Variants in FRMPD3 observed in about 807,000 individuals in gnomAD.
FRMPD3 encodes the protein FERM and PDZ domain containing 3, also known as FERM and PDZ domain-containing protein 3.
Under a neutral mutation model 97.9 loss-of-function variants are expected in FRMPD3, and 42 were observed. That is an observed-to-expected ratio of 0.43 (90% CI 0.34 to 0.55). The LOEUF (loss-of-function observed/expected upper bound fraction) is 0.55. Ranked by LOEUF, FRMPD3 falls within the 20% of genes least tolerant of loss-of-function variation. The pLI, the probability that FRMPD3 is intolerant of heterozygous loss-of-function variation, is 0.03. For synonymous variants in FRMPD3, 577 were observed against 581.1 expected (o/e 0.99, Z 0.10); for missense variants, 1,303 against 1,457.7 (o/e 0.89, Z 1.73).
At position 107,571,965 on chromosome X, in the gene FRMPD3, A is replaced by G. The variant is rs183571269; in HGVS notation, c.1297-4350A>G. On this transcript the variant is annotated intron_variant, in intron 12 of 14. Coordinates refer to ENST00000683843, the MANE Select transcript of FRMPD3 (RefSeq NM_001388459.1). ...TTACCCACCCACGTACCACTCCAGG[A>G]CATTCTACGTTTGGGTAGCTCTCTA... Among the ~76,000 whole-genome samples, 1,023 of 112,751 alleles carry G rather than the reference A, an allele frequency of 9.1e-3. 2 individuals carry two copies. The highest frequency in any genetic ancestry group is 0.016 in the Non-Finnish European group (838 of 53,363).
At chrX:107,576,665 A>T (rs1350506437) in intron 13 of FRMPD3, among the ~76,000 whole-genome samples, 1 of 112,399 alleles carries the variant, frequency 8.9e-6, no homozygotes, top group Non-Finnish European at 1.9e-5. Flanking sequence ...TTCACAAAGG[A>T]TACCTGTGAC....
Position 107,553,813 on chromosome X carries a change from C to G in FRMPD3, c.643-572C>G, listed in dbSNP as rs149805025. On this transcript the variant is annotated intron_variant, in intron 7 of 14. Transcript: ENST00000683843. ...AAGCAACCCTTTGAATTCAGTTGGT[C>G]TGTTGTTCCAAATGGGATTTTAAAC... Among the ~76,000 whole-genome samples the G allele has an allele frequency of 7.2e-3, 802 of 111,724 alleles. 8 individuals are homozygous for G. Among genetic ancestry groups the G allele is most frequent in the African/African-American group, 0.025 (760 of 30,773 alleles).
At chrX:107,576,121 TG>T (rs1472083055) in intron 12 of FRMPD3, among the ~76,000 whole-genome samples, 193 bp from the exon 13 acceptor site, 1 of 112,455 alleles carries the variant, frequency 8.9e-6, no homozygotes, top group Non-Finnish European at 1.9e-5. Context: ...TTTTGATACC[TG>T]GGTAAGAGGT....
rs775214016 is a variant in FRMPD3, at chrX:107,563,080, T to G, written c.1027-31T>G. 7.5e-5 allele frequency: 86 copies of G among 1,140,920 alleles called. No individual in the cohort carries two copies. The South Asian group carries it at 1.5e-3, about 20-fold the overall frequency. 94.0% of individuals were successfully genotyped at this position (1,140,920 alleles called of 1,213,427 possible). On this transcript the variant is annotated intron_variant, in intron 10 of 14. Transcript: ENST00000683843. ...TTTGCTTTTCCTGTGCCCCTCAGGC[T>G]TCTCATATTTCTGGATGGGTTTTTC...
At chrX:107,582,112 A>G (rs1016798585) in intron 13 of FRMPD3, among the ~76,000 whole-genome samples, 4 of 110,799 alleles carry the variant, frequency 3.6e-5, no homozygotes, top group Admixed American at 2.9e-4. Context: ...AGACTGTACC[A>G]TTTTTCACTT....
At chrX:107,592,842 T>C (rs1346318847) in intron 13 of FRMPD3, among the ~76,000 whole-genome samples, 1 of 100,623 alleles carries the variant, frequency 9.9e-6, no homozygotes, top group Admixed American at 1.1e-4. Flanking sequence ...TCACCCAGGA[T>C]GGAGTGCAGT....
intron 1 of FRMPD3, among the ~76,000 whole-genome samples, chrX:107,457,433 G>T (rs1418868661): frequency 8.9e-6 from 1 of 111,736 alleles, no homozygotes; most frequent in African/African-American, 3.3e-5. Flanking sequence ...TATCTCCCTT[G>T]CAGATGAGCC....
At chrX:107,561,263 C>T (rs1922351927) in intron 10 of FRMPD3, among the ~76,000 whole-genome samples, 1 of 111,455 alleles carries the variant, frequency 9.0e-6, no homozygotes, top group Admixed American at 9.5e-5. Flanking sequence ...CTTTGGGAGG[C>T]CAAAGCAGGA....
At chrX:107,536,692 G>A (rs937570137) in intron 4 of FRMPD3, among the ~76,000 whole-genome samples, 8 of 112,214 alleles carry the variant, frequency 7.1e-5, no homozygotes, top group Admixed American at 6.6e-4. Context: ...CCAAGAGTAC[G>A]ATTGCTGGAT....
chrX:107,593,805 T>C (rs1243463255), intron 13 of FRMPD3, among the ~76,000 whole-genome samples: 1 of 112,213 alleles, frequency 8.9e-6, no homozygotes, highest in East Asian at 2.8e-4. Context: ...TGAAATCTGA[T>C]AATGTGATGC....
Position 107,597,976 on chromosome X carries a change from G to A in FRMPD3, c.2097G>A (p.Gly699=). ...AGGAACAAGGACGCCACCTGCGTGG[G>A]CTTCTGTACGATGAGATTCCAGTGA... ...QSQEQGRHLR[G]LLYDEIPVTL... The change falls in exon 14 of 15, where the codon GGG becomes GGA. Residue 699 remains glycine, a synonymous_variant. Transcript: ENST00000683843. 8.3e-7 allele frequency: 1 copy of A among 1,210,677 alleles called. No individual in the cohort carries two copies. The highest frequency in any genetic ancestry group is 1.1e-6 in the Non-Finnish European group (1 of 895,389).
intron 1 of FRMPD3, among the ~76,000 whole-genome samples, chrX:107,487,019 C>T (rs1156522929): frequency 1.9e-5 from 2 of 105,550 alleles, no homozygotes; most frequent in African/African-American, 7.0e-5. Flanking sequence ...CTGAGGTGGG[C>T]GGATCACCTG....
At chrX:107,540,343 C>T (rs1201275346) in intron 4 of FRMPD3, among the ~76,000 whole-genome samples, 7 of 112,082 alleles carry the variant, frequency 6.2e-5, no homozygotes, top group African/African-American at 1.6e-4. Context: ...GTCAAAGCTT[C>T]AAGAAGCTGA....
At position 107,602,514 on chromosome X, in the gene FRMPD3, G is replaced by A; in HGVS notation, c.4475G>A (p.Cys1492Tyr). Residue 1492 changes from cysteine (C) to tyrosine (Y), a missense_variant, in exon 15 of 15, where the codon TGC becomes TAC. This residue lies in a region of FRMPD3 where 764 missense variants were observed against 820.2 expected (regional missense o/e 0.93). Coordinates refer to ENST00000683843, the MANE Select transcript of FRMPD3 (RefSeq NM_001388459.1). The stretch of plus-strand genomic sequence containing the variant: ...GAGGACAGTGAGAGCAGCAAGTGCT[G>A]CTCCATCCGCTACTGCTTCTACTAC... ...LDEDSESSKC[C>Y]SIRYCFYYRK... 8.3e-7 allele frequency: 1 copy of A among 1,211,511 alleles called. No homozygotes were observed. Among genetic ancestry groups the A allele is most frequent in the African/African-American group, 1.7e-5 (1 of 58,042 alleles).
chrX:107,493,453 G>A (rs772659598), intron 1 of FRMPD3, among the ~76,000 whole-genome samples: 59 of 111,682 alleles, frequency 5.3e-4, no homozygotes, highest in African/African-American at 1.9e-3. Flanking sequence ...GAGTGCTAAA[G>A]CTCAGGATTT....
chrX:107,588,464 A>C (rs1336052289), intron 13 of FRMPD3, among the ~76,000 whole-genome samples: 6 of 110,877 alleles, frequency 5.4e-5, no homozygotes, highest in Admixed American at 3.9e-4. Flanking sequence ...ATGTTGGTCC[A>C]GCTGGTCTCA....
chrX:107,554,706 CCTGT>C (rs1922005213), intron 8 of FRMPD3: 4 of 432,628 alleles, frequency 9.2e-6, no homozygotes, highest in South Asian at 3.9e-5. Context: ...GGCTCAAAGT[CCTGT>C]CTATTTGTCC....
chrX:107,460,407 T>C (rs1931449139), intron 1 of FRMPD3, among the ~76,000 whole-genome samples: 1 of 110,585 alleles, frequency 9.0e-6, no homozygotes, highest in Non-Finnish European at 1.9e-5. Flanking sequence ...ATTTTTTTTT[T>C]TTTGACAGGA....
At chrX:107,561,725 C>T (rs1922371670) in intron 10 of FRMPD3, among the ~76,000 whole-genome samples, 1 of 112,636 alleles carries the variant, frequency 8.9e-6, no homozygotes, top group African/African-American at 3.2e-5. Context: ...AGATTTCTTG[C>T]ATTACCAACT....
Sources: gnomAD v4.1 joint callset for allele counts (sites outside exome capture counted in the v4.1 genomes callset) on GRCh38, gnomAD v4.1.1 for gene constraint, gnomAD v4.1.1 regional missense constraint, MANE v1.5 for transcripts, NCBI Gene and HGNC (gene_info 2026-07-23, HGNC 2026-07-21) for gene names.